Variants in RARB observed in about 807,000 individuals in gnomAD.
RARB encodes retinoic acid receptor beta.
A neutral mutation model predicts 51.9 loss-of-function variants in RARB; 17 were observed. The ratio of observed to expected loss-of-function variants is 0.33; its 90% CI spans 0.22 to 0.49. The LOEUF (loss-of-function observed/expected upper bound fraction) is 0.49, where lower values mean the gene tolerates loss of function less well. RARB is among the 20% of genes least tolerant of loss of function. The pLI is 0.99. For missense variants in RARB, 369 were observed against 550.8 expected, an observed-to-expected ratio of 0.67 and a Z score of 3.30; for synonymous variants, 215 against 195.4, an observed-to-expected ratio of 1.10 and a Z score of -0.84.
At chr3:25,558,437 C>T (rs1575518083) in intron 3 of RARB, among the ~76,000 whole-genome samples, 1 of 152,078 alleles carries the variant, frequency 6.6e-6, no homozygotes, top group South Asian at 2.1e-4. Flanking sequence ...GTTTTTTATT[C>T]CAATTTCTCC....
At chr3:25,100,913 G>C (rs138829374) in intron 3 of RARB, among the ~76,000 whole-genome samples, 5 of 152,276 alleles carry the variant, frequency 3.3e-5, no homozygotes, top group African/African-American at 1.2e-4. Context: ...ATTAATCTTA[G>C]ACTCCTGTTG....
chr3:25,067,613 C>T (rs1274764214), intron 3 of RARB, among the ~76,000 whole-genome samples: 1 of 152,058 alleles, frequency 6.6e-6, no homozygotes, highest in Non-Finnish European at 1.5e-5. Context: ...ATCTGTTATC[C>T]CTAGTCCTAG....
At chr3:25,347,682 C>T (rs909191455) in intron 5 of RARB, among the ~76,000 whole-genome samples, 17 of 152,110 alleles carry the variant, frequency 1.1e-4, no homozygotes, top group African/African-American at 2.2e-4. Context: ...GCAAAGGGCC[C>T]GAAAGCTCAT....
chr3:25,560,426 ATC>A (rs1559467815), intron 3 of RARB, among the ~76,000 whole-genome samples: 1 of 152,206 alleles, frequency 6.6e-6, no homozygotes, highest in East Asian at 1.9e-4. Context: ...CCATTTGTCT[ATC>A]TCTCTCAGAT....
At chr3:24,976,832 GCC>G (rs1696524117) in intron 2 of RARB, among the ~76,000 whole-genome samples, 2 of 152,086 alleles carry the variant, frequency 1.3e-5, no homozygotes, top group Admixed American at 1.3e-4. Flanking sequence ...TGAAGTCCTT[GCC>G]CATGCCTATG....
chr3:25,195,062 G>A (rs1272670099), intron 5 of RARB, among the ~76,000 whole-genome samples: 1 of 151,992 alleles, frequency 6.6e-6, no homozygotes, highest in East Asian at 1.9e-4. Flanking sequence ...GTCTCTAAAA[G>A]TGTGTGCTTG....
At chr3:25,168,213 T>A (rs1315067297) in intron 4 of RARB, among the ~76,000 whole-genome samples, 2 of 152,156 alleles carry the variant, frequency 1.3e-5, no homozygotes, top group Non-Finnish European at 2.9e-5. Flanking sequence ...ATTTCTCTTT[T>A]TTTTGTCTTT....
intron 5 of RARB, among the ~76,000 whole-genome samples, chr3:25,284,158 G>T (rs901355673): frequency 2.2e-4 from 34 of 152,132 alleles, no homozygotes; most frequent in Non-Finnish European, 4.4e-5. Context: ...ACCAGTAGAG[G>T]AACTAAGACC....
chr3:25,025,265 T>C (rs1456389858), intron 2 of RARB: 1 of 152,242 alleles, frequency 6.6e-6, no homozygotes, highest in African/African-American at 2.4e-5. Flanking sequence ...ATTCAGGTGA[T>C]AGCAAATGCT....
intron 4 of RARB, among the ~76,000 whole-genome samples, chr3:25,149,234 G>A (rs966588499): frequency 6.6e-6 from 1 of 152,134 alleles, no homozygotes; most frequent in African/African-American, 2.4e-5. Context: ...TCTTCCATAG[G>A]AATGGTTTCT....
At chr3:25,319,935 T>A (rs1176973774) in intron 5 of RARB, among the ~76,000 whole-genome samples, 1 of 152,174 alleles carries the variant, frequency 6.6e-6, no homozygotes, top group African/African-American at 2.4e-5. Flanking sequence ...ATGTCACAGC[T>A]TAATTTGGGT....
In RARB at chr3:25,482,791, G is replaced by A. The variant is rs557316821; in HGVS notation, c.307-18391G>A. Among the ~76,000 whole-genome samples the A allele has an allele frequency of 1.6e-4, 25 of 151,766 alleles. No individual in the cohort carries two copies. In the East Asian group the frequency reaches 3.5e-3, roughly 21 times the overall value. On this transcript the variant is annotated intron_variant, in intron 2 of 7. Coordinates refer to ENST00000330688, the MANE Select transcript of RARB (RefSeq NM_000965.5). ...CCTGACCTCATGATCCGCCCAGCTCGGCCTCCCAAAGTGCTGGGATTACAG... is the reference window on the plus strand; with the variant it reads ...CCTGACCTCATGATCCGCCCAGCTCAGCCTCCCAAAGTGCTGGGATTACAG...
At chr3:25,066,121 G>T (rs918215015) in intron 3 of RARB, among the ~76,000 whole-genome samples, 3 of 152,092 alleles carry the variant, frequency 2.0e-5, no homozygotes, top group African/African-American at 7.2e-5. Flanking sequence ...AGAAGCTGCT[G>T]CCCTTTCATT....
At chr3:24,879,340 A>C (rs1703110526) in intron 2 of RARB, among the ~76,000 whole-genome samples, 1 of 151,970 alleles carries the variant, frequency 6.6e-6, no homozygotes, top group South Asian at 2.1e-4. Context: ...GAGGCAGGAG[A>C]ATGGCGTGAA....
At chr3:25,213,620 T>C (rs1444242125) in intron 5 of RARB, among the ~76,000 whole-genome samples, 1 of 152,198 alleles carries the variant, frequency 6.6e-6, no homozygotes, top group Non-Finnish European at 1.5e-5. Flanking sequence ...AAGTTCAGCT[T>C]ATTAGTTTCT....
chr3:25,494,800 T>G (rs985421375), intron 2 of RARB, among the ~76,000 whole-genome samples: 3 of 152,164 alleles, frequency 2.0e-5, no homozygotes, highest in Admixed American at 6.5e-5. Context: ...TCCTATACTA[T>G]TTGGGGATCT....
intron 1 of RARB, among the ~76,000 whole-genome samples, chr3:24,829,739 C>A (rs568618966): frequency 4.7e-4 from 71 of 152,214 alleles, no homozygotes; most frequent in Non-Finnish European, 1.0e-3. Context: ...TAGGCCAAAC[C>A]CGCCCTCCCC....
intron 5 of RARB, among the ~76,000 whole-genome samples, chr3:25,244,082 T>C (rs565172621): frequency 6.6e-6 from 1 of 152,306 alleles, no homozygotes; most frequent in South Asian, 2.1e-4. Context: ...TTCTAGATTT[T>C]CTAGTTTATT....
chr3:24,920,458 A>T (rs1274287108), intron 2 of RARB, among the ~76,000 whole-genome samples: 1 of 152,308 alleles, frequency 6.6e-6, no homozygotes, highest in East Asian at 1.9e-4. Flanking sequence ...AATTTTCCAG[A>T]TCTCCCTTGA....
Sources: gnomAD v4.1 joint callset for allele counts (sites outside exome capture counted in the v4.1 genomes callset) on GRCh38, gnomAD v4.1.1 for gene constraint, MANE v1.5 for transcripts, NCBI Gene and HGNC (gene_info 2026-07-23, HGNC 2026-07-21) for gene names.